Variants in B3GALT1 observed in about 807,000 individuals in gnomAD.
The protein encoded by B3GALT1 is UDP-Gal:betaGlcNAc beta 1,3-galactosyltransferase, polypeptide 1.
A neutral mutation model predicts 23.2 loss-of-function variants in B3GALT1; 10 were observed. The ratio of observed to expected loss-of-function variants is 0.43; its 90% CI spans 0.27 to 0.73. B3GALT1 has a LOEUF of 0.73. B3GALT1 is among the 30% of genes least tolerant of loss of function. The pLI, the probability that B3GALT1 is intolerant of heterozygous loss-of-function variation, is 0.21. For missense variants in B3GALT1, 299 were observed against 405.4 expected (o/e 0.74, Z 2.25); for synonymous variants, 156 against 141.5 (o/e 1.10, Z -0.73).
At chr2:167,420,718 C>G (rs1472826722) in intron 1 of B3GALT1, among the ~76,000 whole-genome samples, 2 of 152,124 alleles carry the variant, frequency 1.3e-5, no homozygotes, top group African/African-American at 4.8e-5. Context: ...GTACTCTTGT[C>G]CATTTTATCA....
In B3GALT1 at chr2:167,642,674, G is replaced by A. The variant is rs551665525; in HGVS notation, c.-409-4235G>A. Among the ~76,000 whole-genome samples, 31 of 152,232 alleles carry A rather than the reference G, an allele frequency of 2.0e-4. No individual in the cohort carries two copies. The East Asian group carries it at 5.0e-3, about 25-fold the overall frequency. On this transcript the variant is annotated intron_variant, in intron 2 of 4. Coordinates refer to ENST00000392690, the MANE Select transcript of B3GALT1 (RefSeq NM_020981.4). ...CTATACTCACTCAGGAGAGGAGCAA[G>A]GCTAAATATAGCCTATAACCTGCCT...
At chr2:167,429,444 C>T (rs917630078) in intron 1 of B3GALT1, among the ~76,000 whole-genome samples, 1 of 151,926 alleles carries the variant, frequency 6.6e-6, no homozygotes, top group Admixed American at 6.6e-5. Context: ...TGGAAACAAA[C>T]ATTTTAAACA....
intron 1 of B3GALT1, among the ~76,000 whole-genome samples, chr2:167,448,476 C>G (rs1243228056): frequency 6.6e-6 from 1 of 151,616 alleles, no homozygotes; most frequent in East Asian, 1.9e-4. Flanking sequence ...TTTTTTGTTG[C>G]TGATTTGTTT....
chr2:167,804,851 A>G (rs1422110629), intron 3 of B3GALT1, among the ~76,000 whole-genome samples: 1 of 152,152 alleles, frequency 6.6e-6, no homozygotes, highest in Non-Finnish European at 1.5e-5. Flanking sequence ...CAGTAATGGG[A>G]TTGCTGGGTC....
chr2:167,678,011 C>T (rs757453306), intron 3 of B3GALT1, among the ~76,000 whole-genome samples: 19 of 152,164 alleles, frequency 1.2e-4, no homozygotes, highest in Non-Finnish European at 2.5e-4. Flanking sequence ...GGTCCCTCCC[C>T]CAACACGTGC....
intron 1 of B3GALT1, among the ~76,000 whole-genome samples, chr2:167,385,135 T>C (rs1367002801): frequency 6.6e-6 from 1 of 152,154 alleles, no homozygotes; most frequent in Non-Finnish European, 1.5e-5. Context: ...ACCACTGAGA[T>C]CTCAGAACCT....
At chr2:167,625,762 TC>T (rs1189695432) in intron 2 of B3GALT1, among the ~76,000 whole-genome samples, 2 of 151,084 alleles carry the variant, frequency 1.3e-5, no homozygotes, top group Non-Finnish European at 3.0e-5. Flanking sequence ...TTTGTTTCTG[TC>T]CCCCCCTTTA....
intron 1 of B3GALT1, among the ~76,000 whole-genome samples, chr2:167,393,190 C>T (rs1456623581): frequency 1.3e-5 from 2 of 150,404 alleles, no homozygotes; most frequent in African/African-American, 2.5e-5. Context: ...GCCGAGATTG[C>T]GCCACTGCAC....
intron 1 of B3GALT1, among the ~76,000 whole-genome samples, chr2:167,348,589 C>A (rs1039839746): frequency 6.6e-6 from 1 of 152,138 alleles, no homozygotes; most frequent in Non-Finnish European, 1.5e-5. Flanking sequence ...CTAGTTTCAT[C>A]CTCTGCTCTA....
rs149590301 is a variant in B3GALT1 at position 167,383,717 on chromosome 2, G to T, written c.-511+90383G>T. 1.2e-3 allele frequency among the ~76,000 whole-genome samples: 183 copies of T among 152,254 alleles called. 2 individuals carry two copies. The East Asian group carries it at 0.022, about 18-fold the overall frequency. Reference sequence around the variant, plus strand: ...AAATGCATGAGTATCTAGATACTTAGTCTGGCTGGTATAACTGTTCACAGT... The same window carrying T: ...AAATGCATGAGTATCTAGATACTTATTCTGGCTGGTATAACTGTTCACAGT... On this transcript the variant is annotated intron_variant, in intron 1 of 4. Coordinates refer to ENST00000392690, the MANE Select transcript of B3GALT1 (RefSeq NM_020981.4).
chr2:167,756,610 C>T (rs1687822865), intron 3 of B3GALT1, among the ~76,000 whole-genome samples: 1 of 152,160 alleles, frequency 6.6e-6, no homozygotes, highest in Non-Finnish European at 1.5e-5. Flanking sequence ...ATATGCATTG[C>T]TTTACTTGCG....
chr2:167,728,701 A>G (rs1485304088), intron 3 of B3GALT1, among the ~76,000 whole-genome samples: 1 of 152,232 alleles, frequency 6.6e-6, no homozygotes, highest in Non-Finnish European at 1.5e-5. Flanking sequence ...ATTATGTGGT[A>G]TTTCCATATC....
At chr2:167,849,430 A>G (rs1689825512) in intron 4 of B3GALT1, among the ~76,000 whole-genome samples, 1 of 152,162 alleles carries the variant, frequency 6.6e-6, no homozygotes, top group South Asian at 2.1e-4. Flanking sequence ...ACACCCAAAT[A>G]CTTACAGCCA....
intron 2 of B3GALT1, among the ~76,000 whole-genome samples, chr2:167,604,067 T>C (rs1684920721): frequency 6.6e-6 from 1 of 152,168 alleles, no homozygotes; most frequent in Admixed American, 6.5e-5. Context: ...AGAAATTTCC[T>C]GAACTGAATG....
intron 3 of B3GALT1, among the ~76,000 whole-genome samples, chr2:167,677,154 A>G (rs1686442856): frequency 6.6e-6 from 1 of 152,188 alleles, no homozygotes; most frequent in African/African-American, 2.4e-5. Flanking sequence ...TATCTCATGT[A>G]CAACATGAGA....
At chr2:167,458,521 G>A (rs1452101295) in intron 1 of B3GALT1, among the ~76,000 whole-genome samples, 1 of 152,074 alleles carries the variant, frequency 6.6e-6, no homozygotes, top group South Asian at 2.1e-4. Flanking sequence ...TTAATTTTTT[G>A]AGAAACTTCT....
chr2:167,410,957 A>G (rs1240930186), intron 1 of B3GALT1, among the ~76,000 whole-genome samples: 1 of 152,124 alleles, frequency 6.6e-6, no homozygotes, highest in East Asian at 1.9e-4. Context: ...TTGATGCTAT[A>G]CAAATGTATT....
chr2:167,714,163 A>G, intron 3 of B3GALT1: 1 of 1,520,426 alleles, frequency 6.6e-7, no homozygotes, highest in Admixed American at 1.7e-5. Context: ...CTGCTGGTCC[A>G]GACAGTCTAT....
intron 4 of B3GALT1, among the ~76,000 whole-genome samples, chr2:167,839,980 A>G (rs1349062096): frequency 3.3e-5 from 5 of 152,138 alleles, no homozygotes; most frequent in African/African-American, 7.2e-5. Flanking sequence ...AGCCATATGT[A>G]GAAAGCTGAA....
Sources: allele counts gnomAD v4.1 joint callset (sites outside exome capture counted in the v4.1 genomes callset), GRCh38; gene constraint gnomAD v4.1.1; transcripts MANE v1.5; gene names NCBI Gene and HGNC (gene_info 2026-07-23, HGNC 2026-07-21).